Variants in NFATC3 observed in about 807,000 individuals in gnomAD.
NFATC3 encodes the protein nuclear factor of activated T-cells, cytoplasmic 3.
Under a neutral mutation model 98.6 loss-of-function variants are expected in NFATC3, and 46 were observed. The observed-to-expected ratio is 0.47, with a 90% CI of 0.37 to 0.60. The LOEUF (loss-of-function observed/expected upper bound fraction) is 0.60, where lower values mean the gene tolerates loss of function less well. NFATC3 is among the 20% of genes least tolerant of loss of function. The pLI is 0.00. For synonymous variants in NFATC3, 512 were observed against 472.2 expected (o/e 1.08, Z -1.09); for missense variants, 1,256 against 1,295.5 (o/e 0.97, Z 0.47).
At chr16:68,184,164 A>C (rs892971851) in intron 8 of NFATC3, among the ~76,000 whole-genome samples, 16 of 152,160 alleles carry the variant, frequency 1.1e-4, no homozygotes, top group Non-Finnish European at 4.4e-5. Flanking sequence ...TGAGATTTAC[A>C]TGAGATAAGT....
chr16:68,092,128 C>A (rs758555911), intron 1 of NFATC3, among the ~76,000 whole-genome samples: 1 of 152,142 alleles, frequency 6.6e-6, no homozygotes, highest in Non-Finnish European at 1.5e-5. Context: ...GAAATTTAAT[C>A]TTTGGGACAG....
chr16:68,100,810 A>G (rs1222761236), intron 1 of NFATC3, among the ~76,000 whole-genome samples: 1 of 150,892 alleles, frequency 6.6e-6, no homozygotes, highest in African/African-American at 2.4e-5. Flanking sequence ...CCATCCGTAT[A>G]TTATTTTTGG....
At position 68,215,904 on chromosome 16, in the gene NFATC3, A is replaced by AT. The variant is rs548463936; in HGVS notation, c.3107-10441dup. 5.0e-3 allele frequency among the ~76,000 whole-genome samples: 754 copies of AT among 151,350 alleles called. 4 individuals are homozygous for AT. Among genetic ancestry groups the AT allele is most frequent in the African/African-American group, 0.018 (737 of 41,212 alleles). ...CCACCACGCCCGGCTAATTTTTTGT[A>AT]TTTTTAGTAGAGATGGGGTTTCACT... On this transcript the variant is annotated intron_variant, in intron 9 of 9. Coordinates refer to ENST00000346183, the MANE Select transcript of NFATC3 (RefSeq NM_173165.3).
At chr16:68,158,905 G>A (rs1367607846) in intron 4 of NFATC3, among the ~76,000 whole-genome samples, 2 of 152,166 alleles carry the variant, frequency 1.3e-5, no homozygotes, top group African/African-American at 4.8e-5. Context: ...AGGAACACAT[G>A]GTTATGTTTA....
At chr16:68,200,658 C>A (rs2040873860) in intron 9 of NFATC3, 1 of 152,224 alleles carries the variant, frequency 6.6e-6, no homozygotes, top group South Asian at 2.1e-4. Flanking sequence ...TATAAACTTA[C>A]TCAAACAATT....
intron 8 of NFATC3, among the ~76,000 whole-genome samples, chr16:68,187,016 G>A (rs969646519): frequency 9.9e-5 from 15 of 152,210 alleles, no homozygotes; most frequent in African/African-American, 2.7e-4. Flanking sequence ...CATTCGGCTC[G>A]TGCAACTGGC....
At chr16:68,199,935 C>T (rs2040845418) in intron 9 of NFATC3, 1 of 152,176 alleles carries the variant, frequency 6.6e-6, no homozygotes, top group South Asian at 2.1e-4. Flanking sequence ...GGAGTTCACA[C>T]TTTGGTATTC....
chr16:68,143,209 T>TA (rs5817630), intron 3 of NFATC3, among the ~76,000 whole-genome samples: 4,963 of 49,386 alleles, frequency 0.1, 280 homozygotes, highest in African/African-American at 0.2. Flanking sequence ...AAGACCATGC[T>TA]AAAAAAAAAA....
At position 68,158,081 on chromosome 16, in the gene NFATC3, A is replaced by G. The variant is rs1292762466; in HGVS notation, c.1601+13A>G. The G allele has an allele frequency of 3.2e-6, 5 of 1,582,324 alleles. No homozygotes were observed. In the Admixed American group the frequency reaches 5.1e-5, roughly 16 times the overall value. On this transcript the variant is annotated intron_variant, in intron 4 of 9. Transcript: ENST00000346183. ...ATATGTCAGCCAGGTATTTTGAAAT[A>G]TACCTAAAATGTGCAGTTCTTTTTT...
At position 68,085,804 on chromosome 16, in the gene NFATC3, G is replaced by T. The variant is rs1288108439; in HGVS notation, c.103+20G>T. On this transcript the variant is annotated intron_variant, in intron 1 of 9. Transcript: ENST00000346183. ...CTGCAGGTGGGTGCCGGGCCAGGCG[G>T]GACCGTGGAGCGACCCCGCTTCTCG... 1 of 1,420,684 alleles carries T rather than the reference G, an allele frequency of 7.0e-7. No individual in the cohort carries two copies. Among genetic ancestry groups the T allele is most frequent in the Admixed American group, 3.3e-5 (1 of 30,328 alleles). 88.0% of individuals were successfully genotyped at this position (1,420,684 alleles called of 1,614,324 possible).
intron 9 of NFATC3, among the ~76,000 whole-genome samples, chr16:68,217,551 G>T (rs2041686356): frequency 6.6e-6 from 1 of 150,406 alleles, no homozygotes; most frequent in African/African-American, 2.4e-5. Context: ...TTCTTCCTGT[G>T]TTATAATTAT....
intron 4 of NFATC3, among the ~76,000 whole-genome samples, chr16:68,163,774 G>A (rs2039034954): frequency 6.7e-6 from 1 of 150,174 alleles, no homozygotes; most frequent in African/African-American, 2.5e-5. Flanking sequence ...GGGCGGTGGG[G>A]CAGAGGCGCT....
At chr16:68,221,157 T>C in intron 9 of NFATC3, 1 of 1,602,644 alleles carries the variant, frequency 6.2e-7, no homozygotes, top group Non-Finnish European at 8.5e-7. Context: ...ATTGTGCTTA[T>C]CAAGATTGCT....
intron 1 of NFATC3, among the ~76,000 whole-genome samples, chr16:68,114,693 G>A (rs1271005914): frequency 1.3e-5 from 2 of 151,080 alleles, no homozygotes; most frequent in Non-Finnish European, 2.9e-5. Context: ...TCCTACCTCA[G>A]CCTCCCAAGT....
chr16:68,198,875 C>T (rs1019638845), intron 9 of NFATC3, among the ~76,000 whole-genome samples: 1 of 152,082 alleles, frequency 6.6e-6, no homozygotes, highest in Non-Finnish European at 1.5e-5. Context: ...GGTGAAACCC[C>T]GTCTCTACTA....
At chr16:68,133,450 TATATC>T (rs1288060990) in intron 3 of NFATC3, among the ~76,000 whole-genome samples, 1 of 152,234 alleles carries the variant, frequency 6.6e-6, no homozygotes, top group Non-Finnish European at 1.5e-5. Context: ...GAGGAACAAA[TATATC>T]AATAAAGTAT....
At chr16:68,174,193 T>C (rs2039589647) in intron 5 of NFATC3, among the ~76,000 whole-genome samples, 181 bp from the exon 6 acceptor site, 1 of 152,226 alleles carries the variant, frequency 6.6e-6, no homozygotes, top group Non-Finnish European at 1.5e-5. Flanking sequence ...TTTTGTTTTA[T>C]AAACAGCTTA....
intron 6 of NFATC3, among the ~76,000 whole-genome samples, chr16:68,180,248 TG>T (rs1294034967): frequency 6.6e-6 from 1 of 152,172 alleles, no homozygotes; most frequent in African/African-American, 2.4e-5. Context: ...TTTCAACATC[TG>T]AAATATAATC....
chr16:68,088,869 A>T (rs933894470), intron 1 of NFATC3: 1 of 463,452 alleles, frequency 2.2e-6, no homozygotes, highest in African/African-American at 2.1e-5. Flanking sequence ...TGGAAGTCTC[A>T]CTATGTTGCC....
Sources: allele counts gnomAD v4.1 joint callset (sites outside exome capture counted in the v4.1 genomes callset), GRCh38; gene constraint gnomAD v4.1.1; transcripts MANE v1.5; gene names NCBI Gene and HGNC (gene_info 2026-07-23, HGNC 2026-07-21).